Variants in ANXA2 observed in about 807,000 individuals in gnomAD.
ANXA2 encodes the protein annexin A2.
A neutral mutation model predicts 47.3 loss-of-function variants in ANXA2; 28 were observed. The observed-to-expected ratio is 0.59, with a 90% CI of 0.44 to 0.81. The LOEUF (loss-of-function observed/expected upper bound fraction) is 0.81, where lower values mean the gene tolerates loss of function less well. ANXA2 is among the 40% of genes least tolerant of loss of function. The pLI is 0.00. For synonymous variants in ANXA2, 172 were observed against 155.5 expected, an observed-to-expected ratio of 1.11 and a Z score of -0.79; for missense variants, 384 against 414.3, an observed-to-expected ratio of 0.93 and a Z score of 0.64.
At chr15:60,372,127 C>G (rs1160854276) in intron 3 of ANXA2, among the ~76,000 whole-genome samples, 2 of 152,102 alleles carry the variant, frequency 1.3e-5, no homozygotes, top group African/African-American at 4.8e-5. Flanking sequence ...CCAGCCTGGG[C>G]AACAAGAGCG....
Position 60,349,216 on chromosome 15 carries a change from T to A in ANXA2, c.838-19A>T. ...CCTTGCCCTGAAAATCAAGTTGATA[T>A]TTGTTACATTCGCTGAGAATGTTAT... On this transcript the variant is annotated intron_variant, in intron 11 of 12. Transcript: ENST00000451270. The A allele has an allele frequency of 6.2e-7, 1 of 1,613,314 alleles. No homozygotes were observed. The highest frequency in any genetic ancestry group is 8.5e-7 in the Non-Finnish European group (1 of 1,179,420).
chr15:60,386,286 C>T (rs2062932562), intron 1 of ANXA2, 200 bp from the exon 2 acceptor site: 1 of 550,502 alleles, frequency 1.8e-6, no homozygotes, highest in Non-Finnish European at 3.3e-6. Context: ...TTGGGATGGA[C>T]TACTAAACTA....
At chr15:60,376,651 C>G (rs980538133) in intron 3 of ANXA2, among the ~76,000 whole-genome samples, 8 of 152,178 alleles carry the variant, frequency 5.3e-5, no homozygotes, top group Non-Finnish European at 1.2e-4. Flanking sequence ...AAGTGAGGAG[C>G]TTTAGCTCAC....
At chr15:60,372,279 C>T (rs1270172636) in intron 3 of ANXA2, among the ~76,000 whole-genome samples, 2 of 152,126 alleles carry the variant, frequency 1.3e-5, no homozygotes, top group South Asian at 2.1e-4. Flanking sequence ...ATTGTCATCC[C>T]GGTTGTACTA....
intron 1 of ANXA2, among the ~76,000 whole-genome samples, chr15:60,391,683 A>G (rs915383931): frequency 2.0e-5 from 3 of 152,198 alleles, no homozygotes; most frequent in African/African-American, 4.8e-5. Context: ...ACTGTTTTGA[A>G]TGAAAATAAA....
chr15:60,351,338 A>C, intron 10 of ANXA2, 87 bp from the exon 11 acceptor site: 3 of 1,355,130 alleles, frequency 2.2e-6, no homozygotes, highest in Non-Finnish European at 3.2e-6. Context: ...CCTGGGCCAC[A>C]AACCAGAAGT....
At chr15:60,375,158 C>CT (rs1338375516) in intron 3 of ANXA2, among the ~76,000 whole-genome samples, 2 of 152,154 alleles carry the variant, frequency 1.3e-5, no homozygotes, top group African/African-American at 4.8e-5. Context: ...TTAAGCAGTT[C>CT]TATTTTAAAA....
intron 1 of ANXA2, chr15:60,386,684 T>A (rs962869552): frequency 1.3e-5 from 2 of 152,270 alleles, no homozygotes; most frequent in Admixed American, 6.5e-5. Flanking sequence ...GGACTGAATC[T>A]GTTGTATTTA....
In ANXA2 at chr15:60,356,013, C is replaced by T. The variant is rs749435837; in HGVS notation, c.449-15G>A. ...AGTCTTGTACACTTGGAGGAAAATA[C>T]ATCTGGTTTTATGCTTTCTGCCTGT... On this transcript the variant is annotated splice_polypyrimidine_tract_variant and intron_variant, in intron 6 of 12. Transcript: ENST00000451270. The T allele has an allele frequency of 3.7e-6, 6 of 1,601,840 alleles. No homozygotes were observed. Among genetic ancestry groups the T allele is most frequent in the African/African-American group, 2.7e-5 (2 of 74,628 alleles).
chr15:60,364,332 T>A, intron 4 of ANXA2, 97 bp downstream of exon 4: 1 of 936,232 alleles, frequency 1.1e-6, no homozygotes, highest in Non-Finnish European at 1.7e-6. Context: ...CACAAGTCTT[T>A]TGCGCATGAG....
intron 11 of ANXA2, among the ~76,000 whole-genome samples, chr15:60,349,790 AAG>A (rs1290532017): frequency 1.4e-5 from 2 of 142,000 alleles, no homozygotes; most frequent in East Asian, 4.2e-4. Context: ...AGGAGAGAGA[AAG>A]AGAGAAGAAA....
At chr15:60,380,343 T>C (rs548707092) in intron 3 of ANXA2, among the ~76,000 whole-genome samples, 1 of 152,074 alleles carries the variant, frequency 6.6e-6, no homozygotes, top group African/African-American at 2.4e-5. Flanking sequence ...AATGAGTGAG[T>C]TGTGGAGCCA....
chr15:60,357,089 T>A (rs531879197), intron 6 of ANXA2, 57 bp downstream of exon 6: 1 of 1,520,380 alleles, frequency 6.6e-7, no homozygotes, highest in South Asian at 1.1e-5. Context: ...CCAGTGGCCA[T>A]GATAGAGTCA....
intron 4 of ANXA2, among the ~76,000 whole-genome samples, chr15:60,363,719 G>C (rs2062551634): frequency 2.0e-5 from 3 of 152,194 alleles, no homozygotes; most frequent in Admixed American, 2.0e-4. Context: ...GCATGTTGAA[G>C]ATAGCTTTGC....
At chr15:60,390,184 C>A in intron 1 of ANXA2, 2 of 741,684 alleles carry the variant, frequency 2.7e-6, no homozygotes, top group South Asian at 5.5e-5. Context: ...AAAACACAAA[C>A]ATCACAATAA....
chr15:60,368,473 C>G (rs2062668461), intron 3 of ANXA2, among the ~76,000 whole-genome samples: 1 of 151,310 alleles, frequency 6.6e-6, no homozygotes, highest in African/African-American at 2.4e-5. Context: ...GTTCTTTTTT[C>G]CATGTAATGG....
intron 1 of ANXA2, among the ~76,000 whole-genome samples, chr15:60,387,769 C>T (rs192669566): frequency 6.6e-6 from 1 of 152,194 alleles, no homozygotes; most frequent in Admixed American, 6.5e-5. Context: ...TTCATCAGTT[C>T]TAACAAATGT....
intron 1 of ANXA2, among the ~76,000 whole-genome samples, chr15:60,388,728 C>A (rs1034129510): frequency 6.6e-6 from 1 of 150,692 alleles, no homozygotes; most frequent in African/African-American, 2.4e-5. Flanking sequence ...AGCCACCACA[C>A]CTAGACCTTT....
rs188322620 is a variant in ANXA2, at chr15:60,349,362, A to G, written c.838-165T>C. Among the ~76,000 whole-genome samples, 339 of 152,342 alleles carry G rather than the reference A, an allele frequency of 2.2e-3. 1 individual carries two copies. The highest frequency in any genetic ancestry group is 3.1e-3 in the Non-Finnish European group (210 of 68,032). ...TGCCACAATGAAAAATTCCACATACAGCACTTAACACAAACTGTTTCATGC... is the reference window on the plus strand; with the variant it reads ...TGCCACAATGAAAAATTCCACATACGGCACTTAACACAAACTGTTTCATGC... On this transcript the variant is annotated intron_variant, in intron 11 of 12. Transcript: ENST00000451270.
Sources: gnomAD v4.1 joint callset for allele counts (sites outside exome capture counted in the v4.1 genomes callset) on GRCh38, gnomAD v4.1.1 for gene constraint, MANE v1.5 for transcripts, NCBI Gene and HGNC (gene_info 2026-07-23, HGNC 2026-07-21) for gene names.